The following IMMP1L variants were observed in gnomAD, a reference collection of about 807,000 sequenced individuals.
IMMP1L encodes the protein mitochondrial inner membrane protease subunit 1.
In IMMP1L, 24 loss-of-function variants were observed where a neutral mutation model predicts 21.8. The ratio of observed to expected loss-of-function variants is 1.10; its 90% CI spans 0.80 to 1.55. The LOEUF is 1.55. IMMP1L is among the 40% of genes most tolerant of loss of function. IMMP1L has a pLI of 0.00. For synonymous variants in IMMP1L, 46 were observed against 62.8 expected, an observed-to-expected ratio of 0.73 and a Z score of 1.26; for missense variants, 195 against 200.7, an observed-to-expected ratio of 0.97 and a Z score of 0.17.
chr11:31,452,456 TAGG>T (rs1564975961), intron 4 of IMMP1L: 20 of 985,332 alleles, frequency 2.0e-5, no homozygotes, highest in Non-Finnish European at 2.3e-5. Flanking sequence ...TGCAAACCAA[TAGG>T]AGAATGCCAA....
chr11:31,477,339 A>G (rs1318987117), intron 1 of IMMP1L: 1 of 157,376 alleles, frequency 6.4e-6, no homozygotes, highest in Non-Finnish European at 1.4e-5. Context: ...ATTCAATTAA[A>G]AAAACCAAGA....
chr11:31,500,981 CA>C (rs1360976002), intron 1 of IMMP1L, among the ~76,000 whole-genome samples: 3 of 152,130 alleles, frequency 2.0e-5, no homozygotes, highest in African/African-American at 7.2e-5. Flanking sequence ...ACAAACTAGC[CA>C]CATGCAGCTG....
intron 1 of IMMP1L, among the ~76,000 whole-genome samples, chr11:31,464,635 A>C (rs1427488911): frequency 6.6e-6 from 1 of 152,204 alleles, no homozygotes; most frequent in East Asian, 1.9e-4. Context: ...GGTTCAACAC[A>C]TGCCAATCAA....
At chr11:31,506,655 T>C (rs899014152) in intron 1 of IMMP1L, among the ~76,000 whole-genome samples, 8 of 149,780 alleles carry the variant, frequency 5.3e-5, no homozygotes, top group African/African-American at 2.0e-4. Context: ...ATTTTATCTT[T>C]GTTAAAAAAA....
At chr11:31,455,785 G>A (rs1953918401) in intron 4 of IMMP1L, among the ~76,000 whole-genome samples, 1 of 152,092 alleles carries the variant, frequency 6.6e-6, no homozygotes, top group Admixed American at 6.6e-5. Context: ...GTTTTCTCAT[G>A]AGTAGATTGA....
chr11:31,492,185 G>T (rs1955278869), intron 1 of IMMP1L, among the ~76,000 whole-genome samples: 1 of 152,138 alleles, frequency 6.6e-6, no homozygotes, highest in Non-Finnish European at 1.5e-5. Context: ...GTCACTTCAT[G>T]TACCCACCTA....
At chr11:31,466,412 A>T (rs1224821253) in intron 1 of IMMP1L, among the ~76,000 whole-genome samples, 1 of 152,148 alleles carries the variant, frequency 6.6e-6, no homozygotes, top group Admixed American at 6.5e-5. Context: ...TATTAATCCG[A>T]AAGAAAGGAA....
intron 1 of IMMP1L, among the ~76,000 whole-genome samples, chr11:31,477,960 A>G (rs538888550): frequency 3.9e-5 from 6 of 152,308 alleles, no homozygotes; most frequent in Admixed American, 2.6e-4. Flanking sequence ...CCAAAAAGGC[A>G]GCAGATTCTG....
chr11:31,483,626 G>A, intron 1 of IMMP1L, among the ~76,000 whole-genome samples: 1 of 151,902 alleles, frequency 6.6e-6, no homozygotes, highest in Admixed American at 6.6e-5. Flanking sequence ...ATAGTCTCCG[G>A]ACTGAAGATT....
At chr11:31,465,440 T>C (rs1216993569) in intron 1 of IMMP1L, among the ~76,000 whole-genome samples, 1 of 152,084 alleles carries the variant, frequency 6.6e-6, no homozygotes, top group African/African-American at 2.4e-5. Context: ...TTCACAGAAT[T>C]AGAAAACAAT....
At chr11:31,463,427 G>A (rs967413166) in intron 1 of IMMP1L, 122 bp from the exon 2 acceptor site, 2 of 864,192 alleles carry the variant, frequency 2.3e-6, no homozygotes, top group Non-Finnish European at 3.2e-6. Context: ...ATTTGGTGCA[G>A]GAAACCAAGA....
chr11:31,456,944 G>T (rs1056803788), intron 3 of IMMP1L, among the ~76,000 whole-genome samples: 67 of 4,726 alleles, frequency 0.014, no homozygotes, highest in Non-Finnish European at 0.014. Flanking sequence ...AACCCCAAGT[G>T]AACCAAAAAA....
intron 4 of IMMP1L, among the ~76,000 whole-genome samples, chr11:31,451,717 T>C (rs1953764723): frequency 6.6e-6 from 1 of 152,152 alleles, no homozygotes; most frequent in African/African-American, 2.4e-5. Context: ...GAAGAGGTTA[T>C]ACTTGATATA....
intron 1 of IMMP1L, among the ~76,000 whole-genome samples, chr11:31,501,394 A>G (rs1452664628): frequency 6.6e-6 from 1 of 152,124 alleles, no homozygotes; most frequent in African/African-American, 2.4e-5. Context: ...TATAAATGAG[A>G]TTGAGGCTGA....
chr11:31,437,354 T>C (rs1421542772), intron 4 of IMMP1L, among the ~76,000 whole-genome samples: 1 of 152,204 alleles, frequency 6.6e-6, no homozygotes, highest in African/African-American at 2.4e-5. Context: ...GACTGTGTTT[T>C]GACTATGACT....
rs796297168 is a variant in IMMP1L, at chr11:31,452,461, G to A, written c.321+3799C>T. The stretch of plus-strand genomic sequence containing the variant: ...TTGCCTGCTGTGCAAACCAATAGGA[G>A]AATGCCAACTCATTTTATTTATTTC... On this transcript the variant is annotated intron_variant, in intron 4 of 5. Transcript: ENST00000532287. The A allele has an allele frequency of 7.1e-6, 7 of 985,408 alleles. No individual in the cohort carries two copies. In the African/African-American group the frequency reaches 1.2e-4, roughly 17 times the overall value. The allele number at this position is 985,408 out of a possible 1,614,324, so 61.0% of individuals were successfully genotyped here.
intron 1 of IMMP1L, among the ~76,000 whole-genome samples, chr11:31,472,505 T>C (rs906085747): frequency 6.6e-6 from 1 of 152,234 alleles, no homozygotes. Flanking sequence ...TTGTGTTGTA[T>C]AACTTACCAT....
At chr11:31,507,766 G>C (rs1955819130) in intron 1 of IMMP1L, among the ~76,000 whole-genome samples, 1 of 152,080 alleles carries the variant, frequency 6.6e-6, no homozygotes, top group Admixed American at 6.5e-5. Context: ...TTTATAGCAA[G>C]CTGACTATAG....
chr11:31,501,903 G>A (rs1185147042), intron 1 of IMMP1L, among the ~76,000 whole-genome samples: 1 of 151,892 alleles, frequency 6.6e-6, no homozygotes, highest in African/African-American at 2.4e-5. Context: ...ACTTGAACCT[G>A]GGAGGTGGAG....
Sources: gnomAD v4.1 joint callset for allele counts (sites outside exome capture counted in the v4.1 genomes callset) on GRCh38, gnomAD v4.1.1 for gene constraint, MANE v1.5 for transcripts, NCBI Gene and HGNC (gene_info 2026-07-23, HGNC 2026-07-21) for gene names.